The following KCNMA1 variants were observed in gnomAD, a reference collection of about 807,000 sequenced individuals.
The protein encoded by KCNMA1 is Calcium-activated potassium channel subunit alpha-1.
KCNMA1 carries 29 observed loss-of-function variants against 140.0 expected under a neutral mutation model. The observed-to-expected ratio is 0.21, with a 90% CI of 0.15 to 0.28. The LOEUF is 0.28. Ranked by LOEUF, KCNMA1 falls within the 10% of genes least tolerant of loss-of-function variation. The probability of loss-of-function intolerance (pLI) is 1.00; values close to 1 mark genes in which losing one functional copy is unlikely to be tolerated. For missense variants in KCNMA1, 880 were observed against 1,602.2 expected (o/e 0.55, Z 7.70); for synonymous variants, 612 against 611.9 (o/e 1.00, Z 0.00).
chr10:77,043,215 G>C lies in KCNMA1; in HGVS notation c.1750-3578C>G, dbSNP rs572770229. 1.3e-4 allele frequency among the ~76,000 whole-genome samples: 20 copies of C among 152,330 alleles called. No individual in the cohort carries two copies. The East Asian group carries it at 3.7e-3, about 28-fold the overall frequency. On this transcript the variant is annotated intron_variant, in intron 14 of 27. Transcript: ENST00000286628. ...CATCGAATCAACTGAATAAATGCTG[G>C]AGCATTTAAATCCGTTGCCATTGCC... is the stretch of plus-strand genomic sequence containing the variant.
intron 3 of KCNMA1, among the ~76,000 whole-genome samples, chr10:77,239,202 A>C (rs111505499): frequency 6.6e-6 from 1 of 152,082 alleles, no homozygotes; most frequent in Non-Finnish European, 1.5e-5. Flanking sequence ...TCCTTAATGC[A>C]CTCCTGTGCC....
At chr10:77,063,058 G>T (rs1028744292) in intron 14 of KCNMA1, among the ~76,000 whole-genome samples, 1 of 152,138 alleles carries the variant, frequency 6.6e-6, no homozygotes, top group African/African-American at 2.4e-5. Context: ...TTTGCATTTG[G>T]CATGTTTTCC....
At chr10:77,557,022 G>C (rs529775910) in intron 1 of KCNMA1, among the ~76,000 whole-genome samples, 5 of 152,154 alleles carry the variant, frequency 3.3e-5, no homozygotes, top group Non-Finnish European at 7.3e-5. Context: ...GACTCCCTTG[G>C]ATAATGCTGG....
intron 1 of KCNMA1, among the ~76,000 whole-genome samples, chr10:77,592,315 G>A (rs1213399474): frequency 1.3e-5 from 2 of 152,168 alleles, no homozygotes; most frequent in Non-Finnish European, 2.9e-5. Context: ...GAGACATGGT[G>A]GGTACATGCA....
At chr10:77,052,865 T>C (rs1469304420) in intron 14 of KCNMA1, among the ~76,000 whole-genome samples, 1 of 152,180 alleles carries the variant, frequency 6.6e-6, no homozygotes, top group African/African-American at 2.4e-5. Flanking sequence ...TATCTGTCAT[T>C]ACTTGAACAT....
chr10:77,034,538 G>A (rs565773241), intron 15 of KCNMA1, among the ~76,000 whole-genome samples: 1 of 152,322 alleles, frequency 6.6e-6, no homozygotes, highest in African/African-American at 2.4e-5. Context: ...AATAACACAG[G>A]TTGAGAGCAT....
chr10:77,593,320 G>A (rs975398167), intron 1 of KCNMA1, among the ~76,000 whole-genome samples: 11 of 152,170 alleles, frequency 7.2e-5, no homozygotes, highest in African/African-American at 1.4e-4. Context: ...CCTTCCAGGC[G>A]CCAGGTCACC....
chr10:77,504,939 AGGCTCTG>A (rs2045290091), intron 1 of KCNMA1, among the ~76,000 whole-genome samples: 1 of 152,158 alleles, frequency 6.6e-6, no homozygotes, highest in Non-Finnish European at 1.5e-5. Flanking sequence ...ATTCCCTGTG[AGGCTCTG>A]GGCTGTGCAC....
chr10:77,214,405 C>G (rs545458402), intron 3 of KCNMA1, among the ~76,000 whole-genome samples: 1 of 152,106 alleles, frequency 6.6e-6, no homozygotes, highest in Admixed American at 6.5e-5. Flanking sequence ...CACTTACAGG[C>G]GCCCAGCACA....
chr10:77,375,890 G>A (rs1416682301), intron 2 of KCNMA1, among the ~76,000 whole-genome samples: 1 of 151,974 alleles, frequency 6.6e-6, no homozygotes, highest in African/African-American at 2.4e-5. Flanking sequence ...GGCTGTGGCT[G>A]CATCCAGCCT....
At chr10:76,891,870 C>T (rs2040223288) in intron 25 of KCNMA1, 151 bp from the exon 26 acceptor site, 5 of 706,894 alleles carry the variant, frequency 7.1e-6, no homozygotes, top group Non-Finnish European at 1.3e-5. Flanking sequence ...AGTGAAAAGA[C>T]AGCAGCCTCC....
chr10:76,985,463 CT>C (rs1349981892), intron 19 of KCNMA1, among the ~76,000 whole-genome samples: 1 of 152,168 alleles, frequency 6.6e-6, no homozygotes, highest in African/African-American at 2.4e-5. Context: ...TTTTCCCTTT[CT>C]TTAAAAAATG....
At chr10:77,284,384 A>T (rs637844) in intron 2 of KCNMA1, among the ~76,000 whole-genome samples, 127,346 of 151,996 alleles carry the variant, frequency 0.84, 53,519 homozygotes, top group Middle Eastern at 0.9. Context: ...AAGAAAAAAA[A>T]TTTAATGGGC....
chr10:77,350,974 C>G (rs904899965), intron 2 of KCNMA1, among the ~76,000 whole-genome samples: 4 of 152,138 alleles, frequency 2.6e-5, no homozygotes, highest in Admixed American at 6.5e-5. Context: ...GCAGTCCCAA[C>G]TCCATTTTTA....
At chr10:76,878,427 C>T (rs2151436516) in intron 29 of KCNMA1, among the ~76,000 whole-genome samples, 1 of 152,266 alleles carries the variant, frequency 6.6e-6, no homozygotes, top group Non-Finnish European at 1.5e-5. Flanking sequence ...CTCAACTATA[C>T]CACTCTCCTG....
In KCNMA1 at chr10:77,633,711, G is replaced by A. The variant is rs918623846; in HGVS notation, c.378+3554C>T. Among the ~76,000 whole-genome samples the A allele has an allele frequency of 4.3e-4, 65 of 152,190 alleles. 1 individual carries two copies. Among genetic ancestry groups the A allele is most frequent in the African/African-American group, 1.4e-3 (58 of 41,530 alleles). Reference sequence around the variant, plus strand: ...ACAACATCTCGATAATTCATTACACGCAGACCATCCTTGATCAAGCCCAAG... The same window carrying A: ...ACAACATCTCGATAATTCATTACACACAGACCATCCTTGATCAAGCCCAAG... On this transcript the variant is annotated intron_variant, in intron 1 of 27. Transcript: ENST00000286628.
chr10:76,999,746 T>A (rs1462389689), intron 19 of KCNMA1, among the ~76,000 whole-genome samples: 1 of 152,194 alleles, frequency 6.6e-6, no homozygotes, highest in Non-Finnish European at 1.5e-5. Flanking sequence ...ACACTCCCTC[T>A]CAATGCAACC....
rs181232608 is a variant in KCNMA1 at position 77,119,284 on chromosome 10, G to A, written c.884+1689C>T. Among the ~76,000 whole-genome samples, 66 of 152,260 alleles carry A rather than the reference G, an allele frequency of 4.3e-4. No individual in the cohort carries two copies. In the East Asian group the frequency reaches 4.6e-3, roughly 11 times the overall value. On this transcript the variant is annotated intron_variant, in intron 6 of 27. Coordinates refer to ENST00000286628, the MANE Select transcript of KCNMA1 (RefSeq NM_001161352.2). ...CCATCATTTTCTCAAGTTCTAAAAC[G>A]GTCCAGGGAGTAGACAGTATTCCTC...
At position 76,980,328 on chromosome 10, in the gene KCNMA1, C is replaced by T. The variant is rs567491089; in HGVS notation, c.2267-10261G>A. ...CTTGAGTCAGTCCACCTGCCCAAGT[C>T]CCAGCTCTGACCCTCTTTAGAGCTC... On this transcript the variant is annotated intron_variant, in intron 19 of 27. Coordinates refer to ENST00000286628, the MANE Select transcript of KCNMA1 (RefSeq NM_001161352.2). The T allele has an allele frequency of 3.3e-5, 5 of 152,402 alleles. No homozygotes were observed. The South Asian group carries it at 8.3e-4, about 25-fold the overall frequency. The allele number at this position is 152,402 out of a possible 1,614,324, so 9.4% of individuals were successfully genotyped here.
Sources: allele counts gnomAD v4.1 joint callset (sites outside exome capture counted in the v4.1 genomes callset), GRCh38; gene constraint gnomAD v4.1.1; transcripts MANE v1.5; gene names NCBI Gene and HGNC (gene_info 2026-07-23, HGNC 2026-07-21).